ADAMTS6: variants seen among roughly 807,000 people sequenced by gnomAD.
The protein encoded by ADAMTS6 is ADAM metallopeptidase with thrombospondin type 1 motif 6.
A neutral mutation model predicts 144.3 loss-of-function variants in ADAMTS6; 23 were observed. The ratio of observed to expected loss-of-function variants is 0.16; its 90% CI spans 0.11 to 0.23. The LOEUF is 0.23. Ranked by LOEUF, ADAMTS6 falls within the 10% of genes least tolerant of loss-of-function variation. The pLI is 1.00. For synonymous variants in ADAMTS6, 444 were observed against 457.5 expected, an observed-to-expected ratio of 0.97 and a Z score of 0.38; for missense variants, 999 against 1,379.6, an observed-to-expected ratio of 0.72 and a Z score of 4.37.
intron 4 of ADAMTS6, among the ~76,000 whole-genome samples, chr5:65,455,934 T>C (rs1759158034): frequency 6.6e-6 from 1 of 151,976 alleles, no homozygotes; most frequent in Admixed American, 6.6e-5. Flanking sequence ...GCTATCACTC[T>C]AACAAACTAC....
chr5:65,315,102 A>G (rs1744865083), intron 9 of ADAMTS6, among the ~76,000 whole-genome samples: 1 of 152,150 alleles, frequency 6.6e-6, no homozygotes, highest in South Asian at 2.1e-4. Context: ...AAGTAATAAT[A>G]GTAACAATGT....
At chr5:65,201,956 A>G (rs1324223118) in intron 20 of ADAMTS6, among the ~76,000 whole-genome samples, 1 of 152,196 alleles carries the variant, frequency 6.6e-6, no homozygotes, top group Non-Finnish European at 1.5e-5. Flanking sequence ...AAAGAGTGAC[A>G]AGTGCCAGGA....
At chr5:65,438,630 A>C (rs1304815957) in intron 7 of ADAMTS6, among the ~76,000 whole-genome samples, 1 of 152,176 alleles carries the variant, frequency 6.6e-6, no homozygotes, top group East Asian at 1.9e-4. Flanking sequence ...CATCTCCCAC[A>C]CAAGAAAATA....
At chr5:65,179,485 T>C (rs777228602) in intron 22 of ADAMTS6, among the ~76,000 whole-genome samples, 1 of 152,206 alleles carries the variant, frequency 6.6e-6, no homozygotes, top group Admixed American at 6.5e-5. Context: ...ACAAGTCACC[T>C]TGAAGTTTGA....
intron 7 of ADAMTS6, among the ~76,000 whole-genome samples, chr5:65,424,926 C>T (rs185117375): frequency 3.3e-5 from 5 of 152,012 alleles, no homozygotes; most frequent in East Asian, 3.9e-4. Context: ...AATTTAATTC[C>T]GCTGTATAAT....
In ADAMTS6 at chr5:65,210,665, G is replaced by A. The variant is rs558524417; in HGVS notation, c.2575+4129C>T. 9 of 620,584 alleles carry A rather than the reference G, an allele frequency of 1.5e-5. No individual in the cohort carries two copies. The East Asian group carries it at 2.7e-4, about 19-fold the overall frequency. 38.4% of individuals were successfully genotyped at this position (620,584 alleles called of 1,614,324 possible). A position where few individuals can be genotyped will look rare whatever the true frequency, so the allele number is the denominator to read the frequency against. ...CCTCACAGTACCAAACAATTCCCTG[G>A]TTATGATTCTGAAAGCAAATAATTT... On this transcript the variant is annotated intron_variant, in intron 20 of 24. Transcript: ENST00000381055.
At chr5:65,469,916 C>T (rs912753757) in intron 3 of ADAMTS6, among the ~76,000 whole-genome samples, 2 of 152,110 alleles carry the variant, frequency 1.3e-5, no homozygotes, top group African/African-American at 4.8e-5. Context: ...AATGGAACAG[C>T]TACATTAGCC....
chr5:65,187,964 T>C, intron 22 of ADAMTS6, 52 bp downstream of exon 22: 1 of 1,581,510 alleles, frequency 6.3e-7, no homozygotes, highest in Non-Finnish European at 8.7e-7. Context: ...TGCTTTAGGA[T>C]AGATAGTTAG....
intron 7 of ADAMTS6, among the ~76,000 whole-genome samples, chr5:65,366,659 G>A (rs1294070382): frequency 6.6e-6 from 1 of 152,094 alleles, no homozygotes; most frequent in African/African-American, 2.4e-5. Flanking sequence ...TCATCTTGCT[G>A]ACCCCAGATT....
chr5:65,159,485 C>T (rs1156707291), intron 24 of ADAMTS6, among the ~76,000 whole-genome samples: 3 of 152,196 alleles, frequency 2.0e-5, no homozygotes, highest in African/African-American at 7.2e-5. Context: ...TGCCTCCATG[C>T]CCCTGTGACT....
chr5:65,450,727 C>T (rs1758676442), intron 7 of ADAMTS6, among the ~76,000 whole-genome samples: 1 of 152,074 alleles, frequency 6.6e-6, no homozygotes, highest in Non-Finnish European at 1.5e-5. Flanking sequence ...AGAATCTGAG[C>T]CCTATTCTTT....
intron 24 of ADAMTS6, among the ~76,000 whole-genome samples, chr5:65,152,741 G>C (rs1752202905): frequency 1.3e-5 from 2 of 152,184 alleles, no homozygotes; most frequent in South Asian, 4.1e-4. Context: ...TGTAGAGAAA[G>C]GGACATGGGC....
Position 65,262,840 on chromosome 5 carries a change from G to A in ADAMTS6, c.1743C>T (p.Ser581=), listed in dbSNP as rs748020459. The A allele has an allele frequency of 2.6e-6, 4 of 1,563,964 alleles. No homozygotes were observed. Among genetic ancestry groups the A allele is most frequent in the Middle Eastern group, 3.6e-4 (2 of 5,498 alleles). ...ACGCTGGACTGTCACAGTGTCTTAG[G>A]GATGAGGAGACGCCTCCCCCGCAGG... ...SRTCGGGVSS[S]LRHCDSPAPS... Residue 581 remains serine (S), a synonymous_variant, in exon 13 of 25, where the codon TCC becomes TCT. Transcript: ENST00000381055.
intron 7 of ADAMTS6, among the ~76,000 whole-genome samples, chr5:65,404,983 G>T (rs917167835): frequency 6.6e-5 from 10 of 152,136 alleles, no homozygotes; most frequent in African/African-American, 1.9e-4. Context: ...CCCACTTTTT[G>T]ATGGGGTTGT....
chr5:65,313,192 A>G (rs900367703), intron 9 of ADAMTS6, among the ~76,000 whole-genome samples: 3 of 150,528 alleles, frequency 2.0e-5, no homozygotes, highest in Non-Finnish European at 4.4e-5. Flanking sequence ...GTTTATTCTG[A>G]AATTCCAGAT....
chr5:65,373,653 A>C (rs1020827601), intron 7 of ADAMTS6, among the ~76,000 whole-genome samples: 3 of 152,190 alleles, frequency 2.0e-5, no homozygotes, highest in Non-Finnish European at 4.4e-5. Context: ...GACCAGATGG[A>C]TTCACAGCCG....
chr5:65,399,682 T>A (rs1438138769), intron 7 of ADAMTS6, among the ~76,000 whole-genome samples: 1 of 151,394 alleles, frequency 6.6e-6, no homozygotes, highest in African/African-American at 2.4e-5. Flanking sequence ...GTGATATTAG[T>A]CATTTATTTC....
intron 11 of ADAMTS6, among the ~76,000 whole-genome samples, chr5:65,284,972 G>C (rs562679449): frequency 1.1e-4 from 17 of 152,188 alleles, no homozygotes; most frequent in African/African-American, 4.1e-4. Flanking sequence ...ACCTATAAAA[G>C]TAAGGACATT....
intron 7 of ADAMTS6, among the ~76,000 whole-genome samples, chr5:65,367,229 C>A (rs1343453578): frequency 2.0e-5 from 3 of 152,136 alleles, no homozygotes; most frequent in Non-Finnish European, 2.9e-5. Flanking sequence ...ACAGAATTAA[C>A]TTAATATTTT....
Sources: gnomAD v4.1 joint callset for allele counts (sites outside exome capture counted in the v4.1 genomes callset) on GRCh38, gnomAD v4.1.1 for gene constraint, MANE v1.5 for transcripts, NCBI Gene and HGNC (gene_info 2026-07-23, HGNC 2026-07-21) for gene names.